The following MSH3 variants were observed in gnomAD, a reference collection of about 807,000 sequenced individuals.
MSH3 encodes DNA mismatch repair protein Msh3.
In MSH3, 106 loss-of-function variants were observed where a neutral mutation model predicts 123.3. The ratio of observed to expected loss-of-function variants is 0.86; its 90% CI spans 0.73 to 1.01. The LOEUF (loss-of-function observed/expected upper bound fraction) is 1.01, where lower values mean the gene tolerates loss of function less well. MSH3 is among the 50% of genes least tolerant of loss of function. The pLI is 0.00. For missense variants in MSH3, 1,459 were observed against 1,347.6 expected, an observed-to-expected ratio of 1.08 and a Z score of -1.29; for synonymous variants, 515 against 481.4, an observed-to-expected ratio of 1.07 and a Z score of -0.91.
chr5:80,673,405 C>T (rs958835706), intron 6 of MSH3, among the ~76,000 whole-genome samples: 12 of 152,076 alleles, frequency 7.9e-5, no homozygotes, highest in South Asian at 2.1e-4. Context: ...GGCACTTGCC[C>T]GTAGTCCCAG....
At position 80,654,683 on chromosome 5, in the gene MSH3, G is replaced by C. The variant is rs747582626; in HGVS notation, c.-45G>C. On this transcript the variant is annotated 5_prime_UTR_variant, in exon 1 of 24. Transcript: ENST00000265081. ...CTGGGAACTGCGGCCGCGGGCTCGC[G>C]CTCCTCGCCAGGCCCTGCCGCCGGG... is the stretch of plus-strand genomic sequence containing the variant. The C allele has an allele frequency of 1.4e-5, 22 of 1,546,008 alleles. No individual in the cohort carries two copies. The highest frequency in any genetic ancestry group is 2.8e-5 in the African/African-American group (2 of 70,302).
chr5:80,750,407 C>T (rs1025842085), intron 12 of MSH3, among the ~76,000 whole-genome samples: 2 of 151,954 alleles, frequency 1.3e-5, no homozygotes, highest in Admixed American at 6.6e-5. Flanking sequence ...TATCTTTCAT[C>T]TTTTTTAATA....
At chr5:80,855,870 C>A (rs988443788) in intron 21 of MSH3, 5 of 131,292 alleles carry the variant, frequency 3.8e-5, no homozygotes, top group Admixed American at 1.8e-4. Context: ...TCCTCCTCCT[C>A]CTCTTTTTTT....
chr5:80,697,283 A>G (rs1219066590), intron 8 of MSH3, among the ~76,000 whole-genome samples: 1 of 152,238 alleles, frequency 6.6e-6, no homozygotes, highest in Non-Finnish European at 1.5e-5. Context: ...GCCCTGCCAT[A>G]AGAAAGGTGC....
At chr5:80,686,045 T>A (rs1017859492) in intron 8 of MSH3, among the ~76,000 whole-genome samples, 2 of 152,182 alleles carry the variant, frequency 1.3e-5, no homozygotes, top group African/African-American at 4.8e-5. Context: ...TTGAATGTTT[T>A]AAGACTTGTT....
In MSH3 at chr5:80,767,921, T is replaced by A. The variant is rs56244266; in HGVS notation, c.1897-12T>A. Reference sequence around the variant, plus strand: ...TCTTATGCTATTTCATAAAAAATATTTCTATTTTCAGTGTTCTACCCAAGA... The same window carrying A: ...TCTTATGCTATTTCATAAAAAATATATCTATTTTCAGTGTTCTACCCAAGA... On this transcript the variant is annotated splice_polypyrimidine_tract_variant and intron_variant, in intron 13 of 23. Coordinates refer to ENST00000265081, the MANE Select transcript of MSH3 (RefSeq NM_002439.5). The A allele has an allele frequency of 3.4e-4, 528 of 1,573,958 alleles. 3 individuals are homozygous for A. The African/African-American group carries it at 6.1e-3, about 18-fold the overall frequency.
chr5:80,737,691 A>C (rs559021055), intron 10 of MSH3, among the ~76,000 whole-genome samples: 2 of 152,282 alleles, frequency 1.3e-5, no homozygotes, highest in East Asian at 3.9e-4. Flanking sequence ...TATAATTCTA[A>C]TGGAAATAGG....
chr5:80,659,050 A>C (rs1023471969), intron 2 of MSH3, among the ~76,000 whole-genome samples: 2 of 152,176 alleles, frequency 1.3e-5, no homozygotes, highest in African/African-American at 4.8e-5. Context: ...CCTGGCCCAC[A>C]TGGTGAAACC....
chr5:80,668,353 G>C (rs932394875), intron 3 of MSH3, among the ~76,000 whole-genome samples: 2 of 152,118 alleles, frequency 1.3e-5, no homozygotes, highest in Non-Finnish European at 1.5e-5. Flanking sequence ...GGCTTCACCC[G>C]GACCTGACCC....
At chr5:80,773,833 T>G (rs1006018522) in intron 15 of MSH3, among the ~76,000 whole-genome samples, 8 of 152,300 alleles carry the variant, frequency 5.3e-5, no homozygotes, top group South Asian at 2.1e-4. Context: ...AGTGGCACAA[T>G]CTCGGCTCAC....
intron 8 of MSH3, among the ~76,000 whole-genome samples, chr5:80,709,399 G>T (rs1750796354): frequency 6.6e-6 from 1 of 152,164 alleles, no homozygotes. Flanking sequence ...AAGGTGGGCG[G>T]ATCACGAGGT....
chr5:80,746,622 C>T (rs1743725452), intron 12 of MSH3: 5 of 336,950 alleles, frequency 1.5e-5, no homozygotes, highest in East Asian at 1.8e-4. Flanking sequence ...GGGAGGAGGA[C>T]GGCCATTTTT....
chr5:80,804,364 G>A (rs1327706208), intron 19 of MSH3, among the ~76,000 whole-genome samples: 1 of 152,210 alleles, frequency 6.6e-6, no homozygotes, highest in African/African-American at 2.4e-5. Flanking sequence ...GAAGAATTAG[G>A]TATTTATTGT....
intron 10 of MSH3, among the ~76,000 whole-genome samples, chr5:80,734,460 CAATA>C (rs1289187385): frequency 6.6e-6 from 1 of 152,138 alleles, no homozygotes; most frequent in Non-Finnish European, 1.5e-5. Context: ...TGAATTATAT[CAATA>C]AAGTTGATAG....
intron 19 of MSH3, among the ~76,000 whole-genome samples, chr5:80,806,834 T>C (rs1030917011): frequency 1.3e-5 from 2 of 152,212 alleles, no homozygotes; most frequent in African/African-American, 4.8e-5. Flanking sequence ...ATGATACATA[T>C]GTGAACATAT....
At chr5:80,776,267 G>T (rs1744297188) in intron 16 of MSH3, among the ~76,000 whole-genome samples, 1 of 152,072 alleles carries the variant, frequency 6.6e-6, no homozygotes, top group African/African-American at 2.4e-5. Flanking sequence ...TTTTCAAAAA[G>T]GTATCTTATT....
chr5:80,761,830 A>T (rs1206081174), intron 13 of MSH3, 152 bp downstream of exon 13: 72 of 894,732 alleles, frequency 8.0e-5, no homozygotes, highest in Non-Finnish European at 8.1e-5. Flanking sequence ...CAGAAATTTT[A>T]ATAGTACAAA....
intron 8 of MSH3, among the ~76,000 whole-genome samples, chr5:80,697,244 G>T (rs982314391): frequency 6.6e-6 from 1 of 152,146 alleles, no homozygotes; most frequent in Non-Finnish European, 1.5e-5. Context: ...GTCAGAAATC[G>T]TGCAGAGTCT....
intron 16 of MSH3, among the ~76,000 whole-genome samples, chr5:80,777,457 A>G (rs1211338093): frequency 2.6e-5 from 4 of 152,208 alleles, no homozygotes; most frequent in African/African-American, 7.2e-5. Context: ...ATGTTAGTCT[A>G]TCTACAACAA....
Sources: allele counts gnomAD v4.1 joint callset (sites outside exome capture counted in the v4.1 genomes callset), GRCh38; gene constraint gnomAD v4.1.1; transcripts MANE v1.5; gene names NCBI Gene and HGNC (gene_info 2026-07-23, HGNC 2026-07-21).